Variants in HKDC1 observed in about 807,000 individuals in gnomAD.
HKDC1 encodes hexokinase domain containing 1, also known as hexokinase HKDC1.
HKDC1 carries 66 observed loss-of-function variants against 96.6 expected under a neutral mutation model. The ratio of observed to expected loss-of-function variants is 0.68; its 90% CI spans 0.56 to 0.84. The LOEUF (loss-of-function observed/expected upper bound fraction) is 0.84, where lower values mean the gene tolerates loss of function less well. Among genes scored for constraint, HKDC1 ranks in the 40% least tolerant of loss-of-function variants. The pLI is 0.00. For synonymous variants in HKDC1, 466 were observed against 473.1 expected (o/e 0.98, Z 0.20); for missense variants, 1,211 against 1,208.1 (o/e 1.00, Z -0.04).
chr10:69,225,133 C>G (rs1044121748), intron 1 of HKDC1, among the ~76,000 whole-genome samples: 4 of 152,186 alleles, frequency 2.6e-5, no homozygotes, highest in Admixed American at 6.5e-5. Context: ...CCCCATTAAA[C>G]CCCAGTCGCA....
chr10:69,223,424 A>C, intron 1 of HKDC1, among the ~76,000 whole-genome samples: 1 of 152,144 alleles, frequency 6.6e-6, no homozygotes. Flanking sequence ...GTAACCACTT[A>C]CATAGATTTC....
At position 69,220,495 on chromosome 10, in the gene HKDC1, G is replaced by T; in HGVS notation, c.60G>T (p.Lys20Asn). ...GCAAGCTGAAGGAGGACCAGATCAA[G>T]AAGGTAAGGAGGACCCACGAAGCTG... ...YFSKLKEDQI[K>N]KVDRFLYHMR... The change falls in exon 1 of 18, where the codon AAG (lysine) becomes AAT (asparagine). Residue 20 changes from lysine (K) to asparagine (N), a missense_variant. Lys to Asn is a moderately conservative substitution (Grantham distance 94). Coordinates refer to ENST00000354624, the MANE Select transcript of HKDC1 (RefSeq NM_025130.4). The T allele has an allele frequency of 1.3e-6, 2 of 1,597,202 alleles. No homozygotes were observed. The highest frequency in any genetic ancestry group is 2.3e-5 in the South Asian group (2 of 88,336).
intron 12 of HKDC1, among the ~76,000 whole-genome samples, chr10:69,251,251 C>T (rs906649110): frequency 4.6e-5 from 7 of 151,768 alleles, no homozygotes; most frequent in East Asian, 1.9e-4. Flanking sequence ...CCTACCTCCA[C>T]GCCTGGCTAA....
intron 16 of HKDC1, 73 bp from the exon 17 acceptor site, chr10:69,265,512 G>A: frequency 7.8e-7 from 1 of 1,281,898 alleles, no homozygotes; most frequent in Non-Finnish European, 1.1e-6. Context: ...AGAATGGGGA[G>A]GCTGTGGGTC....
intron 6 of HKDC1, 96 bp from the exon 7 acceptor site, chr10:69,243,085 TG>T: frequency 8.1e-7 from 1 of 1,229,522 alleles, no homozygotes; most frequent in Non-Finnish European, 1.2e-6. Flanking sequence ...AAGCACTTTG[TG>T]GTACATTGAG....
rs747325226 is a variant in HKDC1, at chr10:69,257,078, T to A, written c.1879T>A (p.Cys627Ser). Residue 627 changes from cysteine (C) to serine (S), a missense_variant, in exon 13 of 18, where the codon TGT (cysteine) becomes AGT (serine). Cys to Ser is a moderately radical substitution (Grantham distance 112). Transcript: ENST00000354624. ...GACCAAAGGTTTCAAGGCCACTGAC[T>A]GTGAAGGGGAGGACGTGGTGGACAT... ...GWTKGFKATD[C>S]EGEDVVDMLR... 5.0e-6 allele frequency: 8 copies of A among 1,614,012 alleles called. No individual in the cohort carries two copies. The highest frequency in any genetic ancestry group is 6.8e-6 in the Non-Finnish European group (8 of 1,180,032).
rs1000573971 is a variant in HKDC1 at position 69,261,197 on chromosome 10, G to A, written c.2275G>A (p.Asp759Asn). 111 of 1,613,930 alleles carry A rather than the reference G, an allele frequency of 6.9e-5. No individual in the cohort carries two copies. Among genetic ancestry groups the A allele is most frequent in the Non-Finnish European group, 9.0e-5 (106 of 1,179,970 alleles). Residue 759 changes from aspartate (D) to asparagine (N), a missense_variant, in exon 16 of 18, where the codon GAC becomes AAC. By Grantham distance (23) the Asp-to-Asn change is conservative (BLOSUM62 1). Transcript: ENST00000354624. ...LGEIVRQILI[D>N]LTKQGLLFRG... ...GGAGATTGTGCGGCAGATCCTGATC[G>A]ACCTGACCAAGCAGGGTCTCCTCTT...
At chr10:69,236,506 C>T (rs1031335577) in intron 4 of HKDC1, among the ~76,000 whole-genome samples, 3 of 151,646 alleles carry the variant, frequency 2.0e-5, no homozygotes, top group South Asian at 2.1e-4. Context: ...AGAGGCCGGG[C>T]ACAGTGGCTC....
chr10:69,237,133 A>G lies in HKDC1; in HGVS notation c.496-1909A>G, dbSNP rs186683690. 6.3e-3 allele frequency among the ~76,000 whole-genome samples: 964 copies of G among 152,244 alleles called. 18 individuals carry two copies. The highest frequency in any genetic ancestry group is 0.014 in the Admixed American group (210 of 15,282). On this transcript the variant is annotated intron_variant, in intron 4 of 17. Transcript: ENST00000354624. ...AGGGGGCTTCTTTGAGAAACTGAAA[A>G]TGATTAAAGAAGGTAGGAGCGTGAG...
intron 6 of HKDC1, 115 bp from the exon 7 acceptor site, chr10:69,243,067 G>A: frequency 9.7e-7 from 1 of 1,034,016 alleles, no homozygotes; most frequent in Non-Finnish European, 1.5e-6. Context: ...CAGCCCCCAG[G>A]GAATGAAAAG....
At chr10:69,224,680 T>A (rs1034307226) in intron 1 of HKDC1, among the ~76,000 whole-genome samples, 1 of 152,200 alleles carries the variant, frequency 6.6e-6, no homozygotes, top group Non-Finnish European at 1.5e-5. Context: ...TTTTTATGAC[T>A]CTCATTCCTA....
intron 16 of HKDC1, 67 bp from the exon 17 acceptor site, chr10:69,265,518 G>A: frequency 7.4e-7 from 1 of 1,359,042 alleles, no homozygotes; most frequent in African/African-American, 1.4e-5. Flanking sequence ...GGGAGGCTGT[G>A]GGTCACACTG....
At chr10:69,242,713 C>G (rs1416914776) in intron 6 of HKDC1, among the ~76,000 whole-genome samples, 4 of 152,144 alleles carry the variant, frequency 2.6e-5, no homozygotes, top group African/African-American at 9.7e-5. Flanking sequence ...TAATCACAGT[C>G]TAAGATAAGG....
Position 69,247,358 on chromosome 10 carries a change from A to G in HKDC1, c.1032-2A>G. 1.9e-6 allele frequency: 3 copies of G among 1,607,804 alleles called. No homozygotes were observed. The highest frequency in any genetic ancestry group is 2.6e-6 in the Non-Finnish European group (3 of 1,174,258). On this transcript the variant is annotated splice_acceptor_variant, in intron 8 of 17. Transcript: ENST00000354624. LOFTEE classifies it high-confidence loss of function. The stretch of plus-strand genomic sequence containing the variant: ...GTTCACTCATTCCTGTCCCCTGGCC[A>G]GGTATAAAGAAGGCCTTGCTAATAC...
At chr10:69,238,000 G>A (rs548821847) in intron 4 of HKDC1, among the ~76,000 whole-genome samples, 1 of 152,320 alleles carries the variant, frequency 6.6e-6, no homozygotes, top group Non-Finnish European at 1.5e-5. Flanking sequence ...TAACTTCCAA[G>A]TTCTCTTCCA....
chr10:69,265,508 G>T (rs2132383653), intron 16 of HKDC1, 77 bp from the exon 17 acceptor site: 1 of 1,232,480 alleles, frequency 8.1e-7, no homozygotes, highest in South Asian at 1.3e-5. Context: ...TCTAAGAATG[G>T]GGAGGCTGTG....
chr10:69,258,355 A>G (rs926643883), intron 14 of HKDC1, among the ~76,000 whole-genome samples: 3 of 152,162 alleles, frequency 2.0e-5, no homozygotes, highest in Non-Finnish European at 4.4e-5. Context: ...TGGCTCACAG[A>G]TGCCAAGCAT....
intron 12 of HKDC1, among the ~76,000 whole-genome samples, chr10:69,254,788 C>T (rs528759949): frequency 2.0e-5 from 3 of 152,032 alleles, no homozygotes; most frequent in Admixed American, 6.5e-5. Context: ...TCACACACAG[C>T]GTGAATTTAC....
chr10:69,267,214 T>G lies in HKDC1; in HGVS notation c.*457T>G, dbSNP rs1383294469. On this transcript the variant is annotated 3_prime_UTR_variant, in exon 18 of 18. Coordinates refer to ENST00000354624, the MANE Select transcript of HKDC1 (RefSeq NM_025130.4). ...ATTGGAGAGCAAGAGGAACTCACGT[T>G]ATGAACTAGGGGGATCTCATCTAAC... The G allele has an allele frequency of 3.7e-6, 1 of 267,526 alleles. No individual in the cohort carries two copies. Among genetic ancestry groups the G allele is most frequent in the African/African-American group, 2.3e-5 (1 of 44,120 alleles). 16.6% of individuals were successfully genotyped at this position (267,526 alleles called of 1,614,324 possible).
Sources: gnomAD v4.1 joint callset for allele counts (sites outside exome capture counted in the v4.1 genomes callset) on GRCh38, gnomAD v4.1.1 for gene constraint, MANE v1.5 for transcripts, NCBI Gene and HGNC (gene_info 2026-07-23, HGNC 2026-07-21) for gene names.